The following ADGRV1 variants were observed in gnomAD, a reference collection of about 807,000 sequenced individuals.
ADGRV1 encodes the protein adhesion G protein-coupled receptor V1, also known as G-protein coupled receptor 98.
Under a neutral mutation model 596.2 loss-of-function variants are expected in ADGRV1, and 359 were observed. That is an observed-to-expected ratio of 0.60 (90% CI 0.55 to 0.66). The LOEUF is 0.66. Among genes scored for constraint, ADGRV1 ranks in the 30% least tolerant of loss-of-function variants. The pLI, the probability that ADGRV1 is intolerant of heterozygous loss-of-function variation, is 0.00. For missense variants in ADGRV1, 7,274 were observed against 7,575.6 expected (o/e 0.96, Z 1.48); for synonymous variants, 2,681 against 2,679.2 (o/e 1.00, Z -0.02).
intron 79 of ADGRV1, 23 bp downstream of exon 79, chr5:90,848,844 G>A: frequency 2.0e-6 from 3 of 1,522,586 alleles, no homozygotes; most frequent in African/African-American, 2.8e-5. Flanking sequence ...TAATATATTA[G>A]CAGTACCTTT....
chr5:90,797,200 C>T (rs1031787303), intron 70 of ADGRV1, among the ~76,000 whole-genome samples: 1 of 146,458 alleles, frequency 6.8e-6, no homozygotes, highest in Non-Finnish European at 1.5e-5. Context: ...AGTCAAGACC[C>T]ATCTTCAGGA....
At position 90,697,032 on chromosome 5, in the gene ADGRV1, G is replaced by A. The variant is rs1747276314; in HGVS notation, c.8041G>A (p.Gly2681Arg). The A allele has an allele frequency of 1.2e-6, 2 of 1,613,330 alleles. No homozygotes were observed. Among genetic ancestry groups the A allele is most frequent in the South Asian group, 2.2e-5 (2 of 91,060 alleles). ...AGTTAGTTTGGTGTACACTGAAGGT[G>A]GAAGTAGAATTTTGCCAAGCTCCGA... ...IIVSLVYTEGGSRILPSSDTV... is the reference protein window; with the variant it reads ...IIVSLVYTEGRSRILPSSDTV... The change falls in exon 34 of 90, where the codon GGA becomes AGA. Residue 2681 changes from glycine (G) to arginine (R), a missense_variant. Gly to Arg is a moderately radical substitution (Grantham distance 125). This residue lies in a region of ADGRV1 where 3,643 missense variants were observed against 3,809.2 expected (regional missense o/e 0.96). Coordinates refer to ENST00000405460, the MANE Select transcript of ADGRV1 (RefSeq NM_032119.4).
At chr5:91,140,951 G>A (rs1795046473) in intron 87 of ADGRV1, among the ~76,000 whole-genome samples, 1 of 152,150 alleles carries the variant, frequency 6.6e-6, no homozygotes, top group African/African-American at 2.4e-5. Context: ...ATCTGGAAAT[G>A]AGATTACTGA....
In ADGRV1 at chr5:90,705,506, A is replaced by T; in HGVS notation, c.8493A>T (p.Ser2831=). ...ATGGAGTTTTAAATTTTGCTCTTTC[A>T]TCAAGATTTGTGTTACTACAAGAGG... ...EPHGVLNFAL[S]SRFVLLQEAN... The change falls in exon 37 of 90, where the codon TCA becomes TCT. Residue 2831 remains serine (S), a synonymous_variant. Coordinates refer to ENST00000405460, the MANE Select transcript of ADGRV1 (RefSeq NM_032119.4). 1.2e-6 allele frequency: 2 copies of T among 1,613,954 alleles called. No homozygotes were observed. The highest frequency in any genetic ancestry group is 1.7e-6 in the Non-Finnish European group (2 of 1,179,838).
chr5:90,919,510 A>G (rs1773684260), intron 83 of ADGRV1, among the ~76,000 whole-genome samples: 1 of 152,220 alleles, frequency 6.6e-6, no homozygotes, highest in African/African-American at 2.4e-5. Context: ...ATAAAAAATA[A>G]CAACTGGACT....
At chr5:91,114,780 G>A (rs529061768) in intron 87 of ADGRV1, among the ~76,000 whole-genome samples, 96 of 152,262 alleles carry the variant, frequency 6.3e-4, no homozygotes, top group Non-Finnish European at 8.7e-4. Flanking sequence ...CTTCTGAGCA[G>A]CTGCTTTCTG....
intron 29 of ADGRV1, among the ~76,000 whole-genome samples, chr5:90,688,598 G>A (rs1050999640): frequency 2.6e-5 from 4 of 152,000 alleles, no homozygotes; most frequent in Admixed American, 1.3e-4. Context: ...CTCATGATCC[G>A]CCCACCTTGG....
intron 85 of ADGRV1, chr5:91,031,077 G>T: frequency 6.9e-7 from 1 of 1,458,858 alleles, no homozygotes; most frequent in Non-Finnish European, 9.5e-7. Context: ...ATATAGGGAT[G>T]ATACAGTAGC....
At chr5:90,993,564 G>T (rs1251738832) in intron 85 of ADGRV1, among the ~76,000 whole-genome samples, 1 of 152,136 alleles carries the variant, frequency 6.6e-6, no homozygotes, top group Non-Finnish European at 1.5e-5. Context: ...TGGCTAGAAT[G>T]ACACAGAGTG....
At chr5:90,649,659 T>C (rs1024613214) in intron 17 of ADGRV1, among the ~76,000 whole-genome samples, 3 of 152,122 alleles carry the variant, frequency 2.0e-5, no homozygotes, top group Non-Finnish European at 4.4e-5. Context: ...CAGCTAATGT[T>C]TGTATTTTTA....
rs1185905519 is a variant in ADGRV1, at chr5:90,704,475, T to C, written c.8373T>C (p.Asp2791=). The C allele has an allele frequency of 1.9e-6, 3 of 1,552,820 alleles. No individual in the cohort carries two copies. The East Asian group carries it at 7.0e-5, about 36-fold the overall frequency. The change falls in exon 36 of 90, where the codon GAT becomes GAC. Residue 2791 remains aspartate, a synonymous_variant. Transcript: ENST00000405460. ...AAGTATACCAAGTCATTCTGTATGA[T>C]GTCAGGACACAAGGTAATTCAGAAT... The part of the protein sequence containing the change: ...EKEVYQVILY[D]VRTQGVPPAG...
intron 83 of ADGRV1, among the ~76,000 whole-genome samples, chr5:90,927,266 T>A (rs1349817149): frequency 6.6e-6 from 1 of 151,120 alleles, no homozygotes; most frequent in African/African-American, 2.5e-5. Context: ...TGTGTGGGAG[T>A]CTAAGTCTCT....
At position 90,778,584 on chromosome 5, in the gene ADGRV1, A is replaced by G. The variant is rs1333059021; in HGVS notation, c.12824A>G (p.Gln4275Arg). ...GGCCGATTTGCCTTTTCACATGAGCAACTTCGAGTGTCAGAAGCACAGAGG... is the reference window on the plus strand; with the variant it reads ...GGCCGATTTGCCTTTTCACATGAGCGACTTCGAGTGTCAGAAGCACAGAGG... ...PYGRFAFSHE[Q>R]LRVSEAQRVN... The change falls in exon 63 of 90, where the codon CAA (glutamine) becomes CGA (arginine). Residue 4275 changes from glutamine to arginine, a missense_variant. Coordinates refer to ENST00000405460, the MANE Select transcript of ADGRV1 (RefSeq NM_032119.4). 1.2e-6 allele frequency: 2 copies of G among 1,602,642 alleles called. No individual in the cohort carries two copies. Among genetic ancestry groups the G allele is most frequent in the East Asian group, 2.2e-5 (1 of 44,680 alleles).
intron 77 of ADGRV1, among the ~76,000 whole-genome samples, chr5:90,836,197 A>G (rs1764952890): frequency 6.6e-6 from 1 of 152,208 alleles, no homozygotes; most frequent in African/African-American, 2.4e-5. Context: ...ATTAAACATG[A>G]ACTACCTTAT....
chr5:90,884,021 CAT>C (rs1770045083), intron 83 of ADGRV1, among the ~76,000 whole-genome samples: 1 of 152,170 alleles, frequency 6.6e-6, no homozygotes, highest in African/African-American at 2.4e-5. Context: ...TTAGGAATCA[CAT>C]TCATAGAACT....
chr5:90,778,942 G>C lies in ADGRV1; in HGVS notation c.12927G>C (p.Ala4309=), dbSNP rs35092519. ...RLWYKTMSGT[A]EAGLDFVPAA... Reference sequence around the variant, plus strand: ...GGTACAAGACGATGAGCGGGACAGCGGAAGCAGGCTTGGATTTTGTTCCTG... The same window carrying C: ...GGTACAAGACGATGAGCGGGACAGCCGAAGCAGGCTTGGATTTTGTTCCTG... The change falls in exon 64 of 90, where the codon GCG becomes GCC. Residue 4309 remains alanine, a synonymous_variant. Transcript: ENST00000405460. 6.2e-7 allele frequency: 1 copy of C among 1,613,456 alleles called. No individual in the cohort carries two copies. The highest frequency in any genetic ancestry group is 8.5e-7 in the Non-Finnish European group (1 of 1,179,548).
At chr5:90,696,134 C>G (rs569925754) in intron 33 of ADGRV1, among the ~76,000 whole-genome samples, 1 of 152,158 alleles carries the variant, frequency 6.6e-6, no homozygotes, top group Non-Finnish European at 1.5e-5. Flanking sequence ...TCTCCTTTTC[C>G]CTGCCTTTTC....
At chr5:90,758,095 G>A (rs377423712) in intron 57 of ADGRV1, among the ~76,000 whole-genome samples, 43 of 152,278 alleles carry the variant, frequency 2.8e-4, no homozygotes, top group African/African-American at 9.9e-4. Flanking sequence ...CACTTTGGGA[G>A]GCCGAGGCGG....
chr5:90,647,402 C>T lies in ADGRV1; in HGVS notation c.3023-96C>T, dbSNP rs1167362717. 21 of 1,277,240 alleles carry T rather than the reference C, an allele frequency of 1.6e-5. No individual in the cohort carries two copies. The East Asian group carries it at 4.5e-4, about 27-fold the overall frequency. The allele number at this position is 1,277,240 out of a possible 1,614,324, so 79.1% of individuals were successfully genotyped here. ...ATTTTGGCAAAGACACAGTACAAGGCTTCTCTCTTGGAGGGCAGGGAGAAG... is the reference window on the plus strand; with the variant it reads ...ATTTTGGCAAAGACACAGTACAAGGTTTCTCTCTTGGAGGGCAGGGAGAAG... On this transcript the variant is annotated intron_variant, in intron 16 of 89. Coordinates refer to ENST00000405460, the MANE Select transcript of ADGRV1 (RefSeq NM_032119.4).
Sources: allele counts gnomAD v4.1 joint callset (sites outside exome capture counted in the v4.1 genomes callset), GRCh38; gene constraint gnomAD v4.1.1; regional missense constraint gnomAD v4.1.1; transcripts MANE v1.5; gene names NCBI Gene and HGNC (gene_info 2026-07-23, HGNC 2026-07-21).